Variants in GNG7 observed in about 807,000 individuals in gnomAD.
The protein encoded by GNG7 is G protein subunit gamma 7.
A neutral mutation model predicts 4.0 loss-of-function variants in GNG7; 1 was observed. The observed-to-expected ratio is 0.25, with a 90% CI of 0.09 to 1.18. GNG7 has a LOEUF of 1.18. Ranked by LOEUF, GNG7 falls within the 50% of genes most tolerant of loss-of-function variation. GNG7 has a pLI of 0.50. For missense variants in GNG7, 86 were observed against 91.9 expected, an observed-to-expected ratio of 0.94 and a Z score of 0.26; for synonymous variants, 34 against 36.9, an observed-to-expected ratio of 0.92 and a Z score of 0.29.
chr19:2,638,457 GAGGGAAAGGGGAGGGGAAGGGGAGGGGA>G (rs1568270286), intron 2 of GNG7, among the ~76,000 whole-genome samples: 1 of 28,866 alleles, frequency 3.5e-5, no homozygotes, highest in Non-Finnish European at 7.1e-5. Context: ...AGGGGAGGGG[GAGGGAAAGGGGAGGGGAAGGGGAGGGGA>G]AGGGGAGGGG....
chr19:2,528,269 TAAAAA>T (rs59084924), intron 3 of GNG7, among the ~76,000 whole-genome samples: 1 of 78,832 alleles, frequency 1.3e-5, no homozygotes, highest in African/African-American at 5.3e-5. Context: ...AGACCCTGTC[TAAAAA>T]AAAAAAAAAA....
At chr19:2,552,448 G>T (rs910737522) in intron 3 of GNG7, among the ~76,000 whole-genome samples, 2 of 151,968 alleles carry the variant, frequency 1.3e-5, no homozygotes, top group South Asian at 2.1e-4. Flanking sequence ...ACAATGGTGC[G>T]ATCTCGGCTC....
intron 1 of GNG7, among the ~76,000 whole-genome samples, chr19:2,661,282 G>GA (rs1246303319): frequency 5.8e-4 from 27 of 46,592 alleles, no homozygotes; most frequent in African/African-American, 1.9e-3. Flanking sequence ...AAGAAAGAAA[G>GA]AAAGAAAGAA....
At chr19:2,667,502 G>C (rs1342711902) in intron 1 of GNG7, among the ~76,000 whole-genome samples, 1 of 152,132 alleles carries the variant, frequency 6.6e-6, no homozygotes, top group African/African-American at 2.4e-5. Context: ...TTTGGGGCCA[G>C]GTGCAGTGAC....
At chr19:2,539,569 C>T (rs570032218) in intron 3 of GNG7, among the ~76,000 whole-genome samples, 26 of 151,942 alleles carry the variant, frequency 1.7e-4, no homozygotes, top group East Asian at 3.9e-4. Context: ...CCTCCCAAAG[C>T]GCTGGGATTA....
chr19:2,562,365 C>A (rs181203740), intron 2 of GNG7, among the ~76,000 whole-genome samples: 2 of 151,652 alleles, frequency 1.3e-5, no homozygotes, highest in African/African-American at 4.8e-5. Flanking sequence ...CTCACTGCAA[C>A]CTCCGCCTCC....
At chr19:2,689,580 G>A (rs1227234264) in intron 1 of GNG7, among the ~76,000 whole-genome samples, 3 of 125,434 alleles carry the variant, frequency 2.4e-5, no homozygotes, top group South Asian at 2.6e-4. Context: ...CTGAGATGGC[G>A]CCATTGCACT....
intron 1 of GNG7, among the ~76,000 whole-genome samples, chr19:2,659,480 C>T (rs1027075323): frequency 2.0e-5 from 3 of 149,534 alleles, no homozygotes; most frequent in African/African-American, 7.4e-5. Flanking sequence ...ATCCCAGCTA[C>T]TTGGGAAGCT....
At chr19:2,537,842 G>A (rs1351698526) in intron 3 of GNG7, among the ~76,000 whole-genome samples, 3 of 152,044 alleles carry the variant, frequency 2.0e-5, no homozygotes, top group Non-Finnish European at 4.4e-5. Context: ...TTGGGAGGCC[G>A]AGGCAGGCAG....
chr19:2,583,387 C>T lies in GNG7; in HGVS notation c.-77-28199G>A, dbSNP rs966323403. Among the ~76,000 whole-genome samples, 31 of 152,258 alleles carry T rather than the reference C, an allele frequency of 2.0e-4. 1 individual carries two copies. The South Asian group carries it at 5.2e-3, about 25-fold the overall frequency. ...CACCCCCTTTGTAGACTGTGGAACC[C>T]GGGCTGGCTCAGCACAGTCTTGCAG... On this transcript the variant is annotated intron_variant, in intron 2 of 4. Transcript: ENST00000382159.
At chr19:2,645,909 C>G (rs1449747568) in intron 2 of GNG7, among the ~76,000 whole-genome samples, 2 of 152,164 alleles carry the variant, frequency 1.3e-5, no homozygotes, top group Non-Finnish European at 2.9e-5. Flanking sequence ...AACTCCCTAC[C>G]ATGGCACGAA....
intron 2 of GNG7, among the ~76,000 whole-genome samples, chr19:2,612,334 CA>C (rs1185655027): frequency 3.3e-5 from 5 of 152,086 alleles, no homozygotes; most frequent in Non-Finnish European, 7.4e-5. Context: ...TTGTGATAAC[CA>C]CACGTCCCCA....
chr19:2,562,495 G>C (rs1979774323), intron 2 of GNG7, among the ~76,000 whole-genome samples: 1 of 152,084 alleles, frequency 6.6e-6, no homozygotes, highest in Non-Finnish European at 1.5e-5. Context: ...TTTCTGTTCA[G>C]CTGAAAGCTA....
intron 2 of GNG7, among the ~76,000 whole-genome samples, chr19:2,622,206 A>G (rs1981892835): frequency 6.6e-6 from 1 of 151,806 alleles, no homozygotes; most frequent in African/African-American, 2.4e-5. Context: ...CAGCCTCCTG[A>G]GTAGCTGGGA....
At position 2,693,344 on chromosome 19, in the gene GNG7, A is replaced by G. The variant is rs183966340; in HGVS notation, c.-135+9302T>C. ...GGTGGGAGGATTGCTTGAGCCAGGG[A>G]GGTGGAGGTTGCAGTGAGCCAAGAT... On this transcript the variant is annotated intron_variant, in intron 1 of 4. Coordinates refer to ENST00000382159, the MANE Select transcript of GNG7 (RefSeq NM_052847.3). 2.9e-3 allele frequency among the ~76,000 whole-genome samples: 432 copies of G among 148,114 alleles called. 1 individual carries two copies. Among genetic ancestry groups the G allele is most frequent in the African/African-American group, 9.5e-3 (385 of 40,394 alleles).
intron 1 of GNG7, among the ~76,000 whole-genome samples, chr19:2,661,312 G>GA (rs1285343326): frequency 2.3e-5 from 3 of 132,690 alleles, no homozygotes; most frequent in Admixed American, 7.5e-5. Context: ...GAGAAAGAAA[G>GA]AAAGAAAGAA....
chr19:2,593,600 C>T (rs1183690640), intron 2 of GNG7, among the ~76,000 whole-genome samples: 3 of 151,806 alleles, frequency 2.0e-5, no homozygotes, highest in African/African-American at 7.3e-5. Flanking sequence ...AAAAATTAGC[C>T]GGGCATGGGG....
intron 2 of GNG7, among the ~76,000 whole-genome samples, chr19:2,565,885 C>A (rs1034358139): frequency 6.6e-5 from 10 of 152,104 alleles, no homozygotes; most frequent in African/African-American, 2.4e-4. Flanking sequence ...AGGCCGGGCA[C>A]GGTGGCTCAC....
intron 2 of GNG7, among the ~76,000 whole-genome samples, chr19:2,637,091 GC>G (rs1982331099): frequency 1.4e-5 from 2 of 147,010 alleles, no homozygotes; most frequent in Non-Finnish European, 1.5e-5. Context: ...CGCATCTCCA[GC>G]CCCCTGCCGG....
Sources: gnomAD v4.1 joint callset for allele counts (sites outside exome capture counted in the v4.1 genomes callset) on GRCh38, gnomAD v4.1.1 for gene constraint, MANE v1.5 for transcripts, NCBI Gene and HGNC (gene_info 2026-07-23, HGNC 2026-07-21) for gene names.